Variants in COLGALT1 observed in about 807,000 individuals in gnomAD.
COLGALT1 encodes the protein procollagen galactosyltransferase 1.
COLGALT1 carries 43 observed loss-of-function variants against 60.8 expected under a neutral mutation model. The ratio of observed to expected loss-of-function variants is 0.71; its 90% CI spans 0.55 to 0.91. The LOEUF (loss-of-function observed/expected upper bound fraction) is 0.91, where lower values mean the gene tolerates loss of function less well. COLGALT1 is among the 40% of genes least tolerant of loss of function. The pLI is 0.00. For synonymous variants in COLGALT1, 369 were observed against 374.2 expected, an observed-to-expected ratio of 0.99 and a Z score of 0.16; for missense variants, 845 against 880.0, an observed-to-expected ratio of 0.96 and a Z score of 0.50.
intron 9 of COLGALT1, among the ~76,000 whole-genome samples, chr19:17,578,515 G>A (rs577348044): frequency 5.3e-4 from 81 of 152,346 alleles, no homozygotes; most frequent in Non-Finnish European, 1.1e-3. Context: ...CTCAGAGGGA[G>A]AGGCTGTGAT....
At chr19:17,574,413 C>T (rs1358514717) in intron 6 of COLGALT1, among the ~76,000 whole-genome samples, 1 of 151,608 alleles carries the variant, frequency 6.6e-6, no homozygotes, top group African/African-American at 2.4e-5. Flanking sequence ...CACTTGAAAC[C>T]TCCGCCTCCT....
intron 9 of COLGALT1, 112 bp from the exon 10 acceptor site, chr19:17,579,370 G>A (rs1359582115): frequency 7.1e-7 from 1 of 1,412,112 alleles, no homozygotes; most frequent in African/African-American, 1.4e-5. Flanking sequence ...GAGGCAGGGA[G>A]ATGCACTGGC....
In COLGALT1 at chr19:17,567,541, G is replaced by A. The variant is rs368353380; in HGVS notation, c.624+1G>A. The A allele has an allele frequency of 1.9e-6, 3 of 1,612,030 alleles. No individual in the cohort carries two copies. Among genetic ancestry groups the A allele is most frequent in the African/African-American group, 1.3e-5 (1 of 75,014 alleles). On this transcript the variant is annotated splice_donor_variant, in intron 4 of 11. Coordinates refer to ENST00000252599, the MANE Select transcript of COLGALT1 (RefSeq NM_024656.4). LOFTEE classifies it high-confidence loss of function. ...CTTCTGGTGTGGAATGACTTCCCAG[G>A]TAGAGTGAGGGCCTGGGGACTGTGG...
intron 1 of COLGALT1, among the ~76,000 whole-genome samples, chr19:17,558,470 G>A (rs891350243): frequency 6.7e-6 from 1 of 148,772 alleles, no homozygotes; most frequent in Non-Finnish European, 1.5e-5. Context: ...CTGAGGTCAG[G>A]AGTTCGAGAG....
At position 17,560,782 on chromosome 19, in the gene COLGALT1, G is replaced by T. The variant is rs560878375; in HGVS notation, c.489+317G>T. On this transcript the variant is annotated intron_variant, in intron 3 of 11. Coordinates refer to ENST00000252599, the MANE Select transcript of COLGALT1 (RefSeq NM_024656.4). Reference sequence around the variant, plus strand: ...GAGACTCACTCTGGTGCCCAGGCTGGAGTGAAGTGCCGCAATATCGGCTCA... The same window carrying T: ...GAGACTCACTCTGGTGCCCAGGCTGTAGTGAAGTGCCGCAATATCGGCTCA... 1.2e-4 allele frequency among the ~76,000 whole-genome samples: 18 copies of T among 152,018 alleles called. No homozygotes were observed. In the East Asian group the frequency reaches 2.4e-3, roughly 20 times the overall value.
At chr19:17,575,394 T>C (rs1268361072) in intron 6 of COLGALT1, among the ~76,000 whole-genome samples, 2 of 152,092 alleles carry the variant, frequency 1.3e-5, no homozygotes, top group Non-Finnish European at 2.9e-5. Context: ...TACAGGCGCC[T>C]GCTACCACAT....
Position 17,581,622 on chromosome 19 carries a change from C to A in COLGALT1, c.*178C>A. 1 of 798,550 alleles carries A rather than the reference C, an allele frequency of 1.3e-6. No individual in the cohort carries two copies. The highest frequency in any genetic ancestry group is 1.9e-6 in the Non-Finnish European group (1 of 518,352). The allele number at this position is 798,550 out of a possible 1,614,324, so 49.5% of individuals were successfully genotyped here. A position where few individuals can be genotyped will look rare whatever the true frequency, so the allele number is the denominator to read the frequency against. On this transcript the variant is annotated 3_prime_UTR_variant, in exon 12 of 12. Coordinates refer to ENST00000252599, the MANE Select transcript of COLGALT1 (RefSeq NM_024656.4). Reference sequence around the variant, plus strand: ...CACACAGGCAGCATTAATGGAGTGCCTACTGCATGCCAGCAACAGGGCTTG... The same window carrying A: ...CACACAGGCAGCATTAATGGAGTGCATACTGCATGCCAGCAACAGGGCTTG...
rs2076389657 is a variant in COLGALT1, at chr19:17,582,399, CT to C, written c.*961del. ...ATGGGAGTAAACAAGGTACTTTTTACTTTTTTCTTTTTTTCCTCACTGCTAG... is the reference window on the plus strand; with the variant it reads ...ATGGGAGTAAACAAGGTACTTTTTACTTTTTCTTTTTTTCCTCACTGCTAG... On this transcript the variant is annotated 3_prime_UTR_variant, in exon 12 of 12. Transcript: ENST00000252599. 1 of 152,110 alleles carries C rather than the reference CT, an allele frequency of 6.6e-6. No individual in the cohort carries two copies. Among genetic ancestry groups the C allele is most frequent in the Admixed American group, 6.6e-5 (1 of 15,256 alleles). 9.4% of individuals were successfully genotyped at this position (152,110 alleles called of 1,614,324 possible).
At chr19:17,561,872 T>G (rs2076251810) in intron 3 of COLGALT1, among the ~76,000 whole-genome samples, 1 of 152,086 alleles carries the variant, frequency 6.6e-6, no homozygotes, top group Admixed American at 6.6e-5. Flanking sequence ...ATTCTCCTGA[T>G]TTTCTTTTTT....
chr19:17,557,608 CTTTT>C, intron 1 of COLGALT1, among the ~76,000 whole-genome samples: 1 of 149,002 alleles, frequency 6.7e-6, no homozygotes, highest in East Asian at 2.0e-4. Flanking sequence ...CTGAGATATA[CTTTT>C]TTTTTTGATA....
chr19:17,580,522 C>T, intron 10 of COLGALT1, 177 bp from the exon 11 acceptor site: 1 of 634,636 alleles, frequency 1.6e-6, no homozygotes, highest in Non-Finnish European at 2.7e-6. Context: ...ACTCTTCTCC[C>T]CCATGACCGC....
intron 3 of COLGALT1, among the ~76,000 whole-genome samples, chr19:17,563,841 T>C (rs2076263899): frequency 6.6e-6 from 1 of 152,114 alleles, no homozygotes; most frequent in South Asian, 2.1e-4. Flanking sequence ...CATATTGGAA[T>C]GTGAAATAGT....
chr19:17,571,529 C>T (rs545384700), intron 5 of COLGALT1, among the ~76,000 whole-genome samples: 12 of 151,576 alleles, frequency 7.9e-5, no homozygotes, highest in Non-Finnish European at 1.8e-4. Context: ...GCCTGGCCAA[C>T]GTGGTGAAAC....
At chr19:17,566,662 A>G (rs1438467657) in intron 3 of COLGALT1, among the ~76,000 whole-genome samples, 1 of 152,036 alleles carries the variant, frequency 6.6e-6, no homozygotes, top group African/African-American at 2.4e-5. Context: ...AGGCATGGTG[A>G]CGTGTGCCTG....
chr19:17,577,004 T>TGGGGGCGGGGTGAAGA, intron 6 of COLGALT1, 191 bp from the exon 7 acceptor site: 1 of 307,170 alleles, frequency 3.3e-6, no homozygotes, highest in Non-Finnish European at 6.1e-6. Context: ...GGCCAGGGCT[T>TGGGGGCGGGGTGAAGA]TGGGCTGCTG....
At chr19:17,571,806 C>G (rs1299610120) in intron 5 of COLGALT1, 1 of 152,066 alleles carries the variant, frequency 6.6e-6, no homozygotes, top group African/African-American at 2.4e-5. Flanking sequence ...TTTTGTCAAA[C>G]TTTCCTTTTT....
chr19:17,562,112 T>C (rs2076252951), intron 3 of COLGALT1, among the ~76,000 whole-genome samples: 1 of 152,198 alleles, frequency 6.6e-6, no homozygotes, highest in Admixed American at 6.6e-5. Context: ...CCTCAGGTGA[T>C]CCAGCTGCCT....
intron 3 of COLGALT1, among the ~76,000 whole-genome samples, chr19:17,564,966 T>C (rs2076272127): frequency 6.6e-6 from 1 of 152,124 alleles, no homozygotes; most frequent in Non-Finnish European, 1.5e-5. Context: ...CAATGGAATG[T>C]CACACTATAT....
intron 5 of COLGALT1, among the ~76,000 whole-genome samples, chr19:17,568,948 G>T (rs2076296252): frequency 6.6e-6 from 1 of 152,156 alleles, no homozygotes; most frequent in Non-Finnish European, 1.5e-5. Flanking sequence ...CTATTGGTTG[G>T]TCAGGCAGAG....
Sources: allele counts gnomAD v4.1 joint callset (sites outside exome capture counted in the v4.1 genomes callset), GRCh38; gene constraint gnomAD v4.1.1; transcripts MANE v1.5; gene names NCBI Gene and HGNC (gene_info 2026-07-23, HGNC 2026-07-21).